Variants in RP1L1 observed in about 807,000 individuals in gnomAD.
RP1L1 encodes retinitis pigmentosa 1-like 1 protein.
RP1L1 carries 27 observed loss-of-function variants against 15.7 expected under a neutral mutation model. The observed-to-expected ratio is 1.72, with a 90% confidence interval of 1.27 to 2.38. RP1L1 has a LOEUF of 2.38. Ranked by LOEUF, RP1L1 falls within the 30% of genes most tolerant of loss-of-function variation. The pLI is 0.00. For missense variants in RP1L1, 4,798 were observed against 3,075.9 expected (o/e 1.56, Z -13.24); for synonymous variants, 1,813 against 1,276.7 (o/e 1.42, Z -8.96).
chr8:10,649,934 C>A (rs932474695), intron 1 of RP1L1, among the ~76,000 whole-genome samples: 1 of 152,112 alleles, frequency 6.6e-6, no homozygotes, highest in African/African-American at 2.4e-5. Context: ...TCTGTTTGGG[C>A]GGCCTGCAGT....
At chr8:10,613,970 T>TAA (rs1340612472) in intron 3 of RP1L1, among the ~76,000 whole-genome samples, 2 of 152,154 alleles carry the variant, frequency 1.3e-5, no homozygotes, top group African/African-American at 2.4e-5. Context: ...AACCGTAAAA[T>TAA]AAGCATAATA....
At position 10,609,955 on chromosome 8, in the gene RP1L1, T is replaced by G; in HGVS notation, c.4143A>C (p.Pro1381=). ...GVQLEEVKEG[P]EGGLQGEALE... ...GAGCCTCTCCTTGCAGTCCTCCTTCTGGCCCTTCTTTAACTTCCTCTAACT... is the reference window on the plus strand; with the variant it reads ...GAGCCTCTCCTTGCAGTCCTCCTTCGGGCCCTTCTTTAACTTCCTCTAACT... Residue 1381 remains proline (P), a synonymous_variant, in exon 4 of 4, where the codon CCA becomes CCC. Coordinates refer to ENST00000382483, the MANE Select transcript of RP1L1 (RefSeq NM_178857.6). 6.2e-7 allele frequency: 1 copy of G among 1,614,184 alleles called. No homozygotes were observed. The highest frequency in any genetic ancestry group is 8.5e-7 in the Non-Finnish European group (1 of 1,180,032).
intron 1 of RP1L1, among the ~76,000 whole-genome samples, chr8:10,637,049 T>C (rs1006745475): frequency 1.3e-5 from 2 of 152,206 alleles, no homozygotes; most frequent in Non-Finnish European, 2.9e-5. Flanking sequence ...AGGTGGGCCT[T>C]GCAGTAGGCT....
At chr8:10,633,574 G>T (rs1395160997) in intron 1 of RP1L1, among the ~76,000 whole-genome samples, 1 of 152,150 alleles carries the variant, frequency 6.6e-6, no homozygotes, top group African/African-American at 2.4e-5. Context: ...GGAGGCCGGG[G>T]AAATCGCAAA....
At chr8:10,630,594 G>T (rs933036897) in intron 1 of RP1L1, among the ~76,000 whole-genome samples, 4 of 152,228 alleles carry the variant, frequency 2.6e-5, no homozygotes. Context: ...TGGGGTCAGA[G>T]AAGGGAGCTT....
At position 10,622,867 on chromosome 8, in the gene RP1L1, G is replaced by C. The variant is rs6601495; in HGVS notation, c.335C>G (p.Thr112Ser). Residue 112 changes from threonine (T) to serine (S), a missense_variant, in exon 2 of 4, where the codon ACC becomes AGC. Coordinates refer to ENST00000382483, the MANE Select transcript of RP1L1 (RefSeq NM_178857.6). ...CTGTGGCCGGCCTGGTCCACTGGGG[G>C]TCTTGGGGGGCTTCTTATCAGAGCA... ...YLCSDKKPPK[T>S]PSGPGRPQER... The C allele has an allele frequency of 0.036, 58,629 of 1,613,054 alleles. 17,275 individuals are homozygous for C. In the African/African-American group the frequency reaches 0.66, roughly 18 times the overall value.
chr8:10,635,707 G>T (rs1221750234), intron 1 of RP1L1, among the ~76,000 whole-genome samples: 1 of 152,212 alleles, frequency 6.6e-6, no homozygotes, highest in Non-Finnish European at 1.5e-5. Context: ...AAAGTAAGTG[G>T]TAAGAGCAGC....
chr8:10,621,258 G>A (rs1392560462), intron 2 of RP1L1: 1 of 155,120 alleles, frequency 6.4e-6, no homozygotes, highest in Non-Finnish European at 1.4e-5. Context: ...GTAGGAGGGA[G>A]AGCTCTGTTA....
At chr8:10,634,024 C>G (rs1051997459) in intron 1 of RP1L1, among the ~76,000 whole-genome samples, 2 of 152,220 alleles carry the variant, frequency 1.3e-5, no homozygotes, top group African/African-American at 4.8e-5. Context: ...ACCCTGATCC[C>G]CAGCTGCAGG....
At chr8:10,632,420 C>T (rs752590856) in intron 1 of RP1L1, among the ~76,000 whole-genome samples, 1 of 152,208 alleles carries the variant, frequency 6.6e-6, no homozygotes, top group Non-Finnish European at 1.5e-5. Context: ...TAACAATCAG[C>T]TCCTGAGCTA....
intron 1 of RP1L1, among the ~76,000 whole-genome samples, chr8:10,629,251 C>T (rs1438923997): frequency 6.6e-6 from 1 of 151,806 alleles, no homozygotes; most frequent in East Asian, 1.9e-4. Context: ...CTGGAGGTAG[C>T]TGCCAAGGGT....
intron 1 of RP1L1, among the ~76,000 whole-genome samples, chr8:10,624,552 C>T (rs891644679): frequency 6.6e-6 from 1 of 152,178 alleles, no homozygotes; most frequent in East Asian, 1.9e-4. Context: ...GAAATTAGGA[C>T]CACAGCAAAT....
At chr8:10,653,847 T>A (rs1473627423) in intron 1 of RP1L1, among the ~76,000 whole-genome samples, 2 of 152,124 alleles carry the variant, frequency 1.3e-5, no homozygotes, top group African/African-American at 4.8e-5. Context: ...GAAGGTGTGT[T>A]CTCACTGTCT....
At chr8:10,625,267 T>C (rs1585983376) in intron 1 of RP1L1, among the ~76,000 whole-genome samples, 1 of 152,138 alleles carries the variant, frequency 6.6e-6, no homozygotes, top group East Asian at 1.9e-4. Context: ...ACCAAGCAAC[T>C]CTCCACCATC....
rs768303030 is a variant in RP1L1, at chr8:10,611,348, G to A, written c.2750C>T (p.Ala917Val). 18 of 1,611,538 alleles carry A rather than the reference G, an allele frequency of 1.1e-5. No individual in the cohort carries two copies. The highest frequency in any genetic ancestry group is 1.6e-4 in the Middle Eastern group (1 of 6,084). Residue 917 changes from alanine (A) to valine (V), a missense_variant, in exon 4 of 4, where the codon GCG becomes GTG. Coordinates refer to ENST00000382483, the MANE Select transcript of RP1L1 (RefSeq NM_178857.6). ...ASRRSSASQG[A>V]GSRGLSEEKT... ...CTCCTCGGACAGCCCCCGAGACCCC[G>A]CACCCTGGCTGGCACTGCTTCTCCT...
chr8:10,625,038 G>A (rs546273234), intron 1 of RP1L1, among the ~76,000 whole-genome samples: 2 of 152,320 alleles, frequency 1.3e-5, no homozygotes, highest in Admixed American at 6.5e-5. Flanking sequence ...GACAATCACT[G>A]CATTCCTACA....
At chr8:10,651,553 C>G (rs1258934021) in intron 1 of RP1L1, among the ~76,000 whole-genome samples, 1 of 152,000 alleles carries the variant, frequency 6.6e-6, no homozygotes, top group African/African-American at 2.4e-5. Flanking sequence ...ACGGTGAAAC[C>G]CCATCTCTAC....
intron 1 of RP1L1, among the ~76,000 whole-genome samples, chr8:10,642,078 C>A (rs188357852): frequency 6.6e-6 from 1 of 152,076 alleles, no homozygotes; most frequent in East Asian, 1.9e-4. Context: ...GACGTTACCA[C>A]TGGGGGAAAC....
rs776542283 is a variant in RP1L1, at chr8:10,610,728, T to C, written c.3370A>G (p.Ser1124Gly). The change falls in exon 4 of 4, where the codon AGT becomes GGT. Residue 1124 changes from serine to glycine, a missense_variant. Transcript: ENST00000382483. Reference protein sequence around the residue: ...SAGALITCLASLQLFEEDLGS... With the variant: ...SAGALITCLAGLQLFEEDLGS... Reference sequence around the variant, plus strand: ...AGGTCTTCCTCAAATAACTGCAGACTGGCCAGACAAGTAATGAGGGCCCCG... The same window carrying C: ...AGGTCTTCCTCAAATAACTGCAGACCGGCCAGACAAGTAATGAGGGCCCCG... The C allele has an allele frequency of 3.7e-6, 6 of 1,613,536 alleles. No individual in the cohort carries two copies. The highest frequency in any genetic ancestry group is 1.7e-5 in the Admixed American group (1 of 60,028).
Sources: allele counts gnomAD v4.1 joint callset (sites outside exome capture counted in the v4.1 genomes callset), GRCh38; gene constraint gnomAD v4.1.1; transcripts MANE v1.5; gene names NCBI Gene and HGNC (gene_info 2026-07-23, HGNC 2026-07-21).